NELL1: variants seen among roughly 807,000 people sequenced by gnomAD.
The protein encoded by NELL1 is protein kinase C-binding protein NELL1.
NELL1 carries 76 observed loss-of-function variants against 107.4 expected under a neutral mutation model. That is an observed-to-expected ratio of 0.71 (90% CI 0.59 to 0.86). The LOEUF is 0.86. NELL1 is among the 40% of genes least tolerant of loss of function. The pLI, the probability that NELL1 is intolerant of heterozygous loss-of-function variation, is 0.00. For missense variants in NELL1, 1,024 were observed against 1,005.5 expected, an observed-to-expected ratio of 1.02 and a Z score of -0.25; for synonymous variants, 353 against 341.2, an observed-to-expected ratio of 1.03 and a Z score of -0.38.
At chr11:21,300,853 ATTAACT>A (rs1313920922) in intron 14 of NELL1, among the ~76,000 whole-genome samples, 94 of 152,138 alleles carry the variant, frequency 6.2e-4, no homozygotes, top group African/African-American at 2.2e-3. Flanking sequence ...TGCTGTACCC[ATTAACT>A]TGTCTTTACA....
chr11:21,229,223 A>C (rs1857977629), intron 13 of NELL1, 109 bp from the exon 14 acceptor site: 1 of 1,245,008 alleles, frequency 8.0e-7, no homozygotes, highest in Non-Finnish European at 1.1e-6. Flanking sequence ...GGTACTGACA[A>C]GTGGTAGTCA....
intron 9 of NELL1, among the ~76,000 whole-genome samples, chr11:20,935,499 G>A (rs1187374766): frequency 6.6e-6 from 1 of 152,118 alleles, no homozygotes; most frequent in African/African-American, 2.4e-5. Flanking sequence ...ATGAAATCAC[G>A]GGAAATGGTG....
chr11:20,811,289 C>A (rs1857496852), intron 3 of NELL1, among the ~76,000 whole-genome samples: 1 of 151,934 alleles, frequency 6.6e-6, no homozygotes, highest in Admixed American at 6.6e-5. Flanking sequence ...GTTTCAAATC[C>A]TTTTCCATTG....
In NELL1 at chr11:20,887,331, C is replaced by A. The variant is rs556207279; in HGVS notation, c.603+1791C>A. Reference sequence around the variant, plus strand: ...TGCATACAGGTTTTTGTGTGAACAGCGGTTTTGATTTCACTTAGGTAAGTG... The same window carrying A: ...TGCATACAGGTTTTTGTGTGAACAGAGGTTTTGATTTCACTTAGGTAAGTG... On this transcript the variant is annotated intron_variant, in intron 5 of 19. Coordinates refer to ENST00000357134, the MANE Select transcript of NELL1 (RefSeq NM_006157.5). Among the ~76,000 whole-genome samples, 39 of 152,228 alleles carry A rather than the reference C, an allele frequency of 2.6e-4. 1 individual carries two copies. In the South Asian group the frequency reaches 2.7e-3, roughly 11 times the overall value.
At chr11:20,780,257 G>A (rs12804039) in intron 2 of NELL1, among the ~76,000 whole-genome samples, 1 of 151,956 alleles carries the variant, frequency 6.6e-6, no homozygotes, top group African/African-American at 2.4e-5. Context: ...TTAAGTGGGG[G>A]TGTCCTGCAA....
intron 12 of NELL1, among the ~76,000 whole-genome samples, chr11:20,963,916 T>C (rs542152087): frequency 6.6e-6 from 1 of 152,270 alleles, no homozygotes; most frequent in Non-Finnish European, 1.5e-5. Flanking sequence ...TCAATTTTCT[T>C]AACTTCCTAA....
chr11:20,897,030 A>G (rs576763449), intron 5 of NELL1, among the ~76,000 whole-genome samples: 1 of 152,318 alleles, frequency 6.6e-6, no homozygotes, highest in South Asian at 2.1e-4. Flanking sequence ...TCAAGCTACC[A>G]ATGCCTTTCT....
rs1849765170 is a variant in NELL1 at position 20,897,415 on chromosome 11, A to G, written c.603+11875A>G. On this transcript the variant is annotated intron_variant, in intron 5 of 19. Coordinates refer to ENST00000357134, the MANE Select transcript of NELL1 (RefSeq NM_006157.5). ...TACACCTTATACAAAAATTAATTCA[A>G]GATGGATTAAATATTTAAATGTTAG... Among the ~76,000 whole-genome samples the G allele has an allele frequency of 2.0e-5, 3 of 152,250 alleles. No homozygotes were observed. The South Asian group carries it at 6.2e-4, about 31-fold the overall frequency.
At chr11:21,514,139 G>T (rs577467464) in intron 15 of NELL1, among the ~76,000 whole-genome samples, 1 of 152,200 alleles carries the variant, frequency 6.6e-6, no homozygotes, top group South Asian at 2.1e-4. Context: ...TTCAAAGCAA[G>T]ATTTTCAGAA....
intron 3 of NELL1, among the ~76,000 whole-genome samples, chr11:20,790,455 C>T (rs907848457): frequency 2.0e-5 from 3 of 152,230 alleles, no homozygotes; most frequent in African/African-American, 7.2e-5. Flanking sequence ...AGAAGCCAGG[C>T]AGTAGGAGCA....
intron 12 of NELL1, among the ~76,000 whole-genome samples, chr11:20,998,263 A>G (rs1327482883): frequency 6.6e-6 from 1 of 152,188 alleles, no homozygotes; most frequent in Non-Finnish European, 1.5e-5. Flanking sequence ...ATAGCCATGC[A>G]GATATTACAA....
chr11:20,874,228 C>T (rs113506374), intron 4 of NELL1, among the ~76,000 whole-genome samples: 5 of 152,206 alleles, frequency 3.3e-5, no homozygotes, highest in African/African-American at 7.2e-5. Flanking sequence ...CCAACACACC[C>T]GGCTAATTTT....
chr11:21,402,843 C>A (rs956884989), intron 15 of NELL1, among the ~76,000 whole-genome samples: 6 of 151,664 alleles, frequency 4.0e-5, no homozygotes, highest in Non-Finnish European at 7.4e-5. Context: ...AGTGTCTGAA[C>A]ACTTCCCATT....
At position 21,508,971 on chromosome 11, in the gene NELL1, T is replaced by A. The variant is rs1452100650; in HGVS notation, c.1646-25403T>A. Reference sequence around the variant, plus strand: ...TGTCCCTCAAAGAAAACTGCTGCCTTCCAACAAAAGTGAAAACAGAAGCTA... The same window carrying A: ...TGTCCCTCAAAGAAAACTGCTGCCTACCAACAAAAGTGAAAACAGAAGCTA... On this transcript the variant is annotated intron_variant, in intron 15 of 19. Transcript: ENST00000357134. Among the ~76,000 whole-genome samples the A allele has an allele frequency of 4.6e-5, 7 of 152,200 alleles. No individual in the cohort carries two copies. The East Asian group carries it at 1.4e-3, about 29-fold the overall frequency.
At chr11:21,112,514 C>T (rs774930895) in intron 12 of NELL1, among the ~76,000 whole-genome samples, 2 of 151,938 alleles carry the variant, frequency 1.3e-5, no homozygotes, top group Non-Finnish European at 2.9e-5. Context: ...GAATTCAAAT[C>T]CCAGGTCTAG....
At chr11:21,360,961 G>A (rs552692123) in intron 14 of NELL1, among the ~76,000 whole-genome samples, 7 of 152,084 alleles carry the variant, frequency 4.6e-5, no homozygotes, top group Non-Finnish European at 1.0e-4. Context: ...TACATTCAAC[G>A]CTAATATTGA....
At chr11:20,916,699 C>G (rs564521389) in intron 5 of NELL1, among the ~76,000 whole-genome samples, 1 of 151,898 alleles carries the variant, frequency 6.6e-6, no homozygotes, top group East Asian at 1.9e-4. Context: ...TCCAGGAAAT[C>G]CATAAGATGG....
intron 12 of NELL1, among the ~76,000 whole-genome samples, chr11:21,049,504 A>C (rs761159234): frequency 6.6e-6 from 1 of 152,082 alleles, no homozygotes; most frequent in Non-Finnish European, 1.5e-5. Context: ...TGATGCCAGA[A>C]ACTTGTAAGG....
At chr11:20,820,758 A>G (rs1475660519) in intron 3 of NELL1, among the ~76,000 whole-genome samples, 7 of 152,110 alleles carry the variant, frequency 4.6e-5, no homozygotes, top group Admixed American at 4.6e-4. Context: ...CTCATTGATT[A>G]CTTATTCAGA....
Sources: gnomAD v4.1 joint callset for allele counts (sites outside exome capture counted in the v4.1 genomes callset) on GRCh38, gnomAD v4.1.1 for gene constraint, MANE v1.5 for transcripts, NCBI Gene and HGNC (gene_info 2026-07-23, HGNC 2026-07-21) for gene names.